HIP1: variants seen among roughly 807,000 people sequenced by gnomAD.
HIP1 encodes huntingtin interacting protein 1.
Under a neutral mutation model 147.6 loss-of-function variants are expected in HIP1, and 65 were observed. The ratio of observed to expected loss-of-function variants is 0.44; its 90% CI spans 0.36 to 0.54. HIP1 has a LOEUF of 0.54. Ranked by LOEUF, HIP1 falls within the 20% of genes least tolerant of loss-of-function variation. The pLI is 0.00. For synonymous variants in HIP1, 479 were observed against 504.0 expected (o/e 0.95, Z 0.67); for missense variants, 1,061 against 1,299.6 (o/e 0.82, Z 2.82).
chr7:75,578,407 G>C (rs1335368290), intron 7 of HIP1, among the ~76,000 whole-genome samples: 2 of 152,170 alleles, frequency 1.3e-5, no homozygotes, highest in Non-Finnish European at 2.9e-5. Flanking sequence ...TGGGCGTGGT[G>C]GCTCATGCCA....
chr7:75,727,377 T>C (rs1459886302), intron 1 of HIP1, among the ~76,000 whole-genome samples: 10 of 152,038 alleles, frequency 6.6e-5, no homozygotes, highest in African/African-American at 1.9e-4. Context: ...ATTACAGGCA[T>C]GGGCCACAGT....
chr7:75,567,021 A>G (rs1554495636), intron 9 of HIP1, among the ~76,000 whole-genome samples: 3 of 151,252 alleles, frequency 2.0e-5, no homozygotes, highest in Non-Finnish European at 1.5e-5. Flanking sequence ...CTGAGGCAGG[A>G]GAATCACTGG....
intron 1 of HIP1, among the ~76,000 whole-genome samples, chr7:75,671,998 G>T (rs1353350724): frequency 6.6e-6 from 1 of 152,152 alleles, no homozygotes; most frequent in Admixed American, 6.5e-5. Flanking sequence ...GCCTCCCAAA[G>T]TGCTGGGATT....
intron 1 of HIP1, among the ~76,000 whole-genome samples, chr7:75,735,303 G>A (rs1282180472): frequency 7.9e-5 from 12 of 152,184 alleles, no homozygotes; most frequent in Non-Finnish European, 1.3e-4. Flanking sequence ...GGTTGAGACC[G>A]TTTCCAGCTG....
chr7:75,616,609 G>GGAGGAGGAGGAGGAA (rs1797674567), intron 1 of HIP1, among the ~76,000 whole-genome samples: 1 of 98,720 alleles, frequency 1.0e-5, no homozygotes, highest in African/African-American at 2.8e-5. Flanking sequence ...AGGAGGAGGA[G>GGAGGAGGAGGAGGAA]GAGGAAGAGG....
intron 9 of HIP1, among the ~76,000 whole-genome samples, chr7:75,566,068 G>A (rs1247658576): frequency 2.7e-5 from 4 of 149,920 alleles, no homozygotes; most frequent in Admixed American, 6.7e-5. Context: ...TCATTCTGAC[G>A]CCCAGGCCTG....
chr7:75,736,060 C>T (rs1368027686), intron 1 of HIP1, among the ~76,000 whole-genome samples: 3 of 150,520 alleles, frequency 2.0e-5, no homozygotes, highest in Admixed American at 6.7e-5. Context: ...GTGAGACCTC[C>T]GTCTTAAAAA....
chr7:75,645,214 T>A (rs1554510960), intron 1 of HIP1, among the ~76,000 whole-genome samples: 1 of 152,142 alleles, frequency 6.6e-6, no homozygotes, highest in African/African-American at 2.4e-5. Context: ...TTTTATTTTT[T>A]ATTTTTAATT....
At chr7:75,698,940 G>A (rs1554518980) in intron 1 of HIP1, among the ~76,000 whole-genome samples, 1 of 152,116 alleles carries the variant, frequency 6.6e-6, no homozygotes, top group East Asian at 1.9e-4. Flanking sequence ...CAGTCAATTA[G>A]TGGTTCTCTC....
chr7:75,695,894 C>T (rs567263032), intron 1 of HIP1, among the ~76,000 whole-genome samples: 2 of 150,056 alleles, frequency 1.3e-5, no homozygotes, highest in African/African-American at 2.4e-5. Flanking sequence ...TCTTAGACAT[C>T]CTCTCCACCT....
chr7:75,622,480 TGCTTGA>T (rs1181600036), intron 1 of HIP1, among the ~76,000 whole-genome samples: 1 of 151,006 alleles, frequency 6.6e-6, no homozygotes, highest in Non-Finnish European at 1.5e-5. Flanking sequence ...GAAGGAGGAT[TGCTTGA>T]GCCCAGGAGT....
Position 75,559,808 on chromosome 7 carries a change from C to T in HIP1, c.1299G>A (p.Leu433=), listed in dbSNP as rs782023713. 7.4e-6 allele frequency: 12 copies of T among 1,612,892 alleles called. No homozygotes were observed. Among genetic ancestry groups the T allele is most frequent in the Non-Finnish European group, 1.0e-5 (12 of 1,179,908 alleles). The change falls in exon 14 of 31, where the codon CTG becomes CTA. Residue 433 remains leucine, a synonymous_variant. Coordinates refer to ENST00000336926, the MANE Select transcript of HIP1 (RefSeq NM_005338.7). ...RQQAADDCEF[L]RAELDELRRQ... Reference sequence around the variant, plus strand: ...TCCTGAGCTCGTCCAGTTCTGCCCGCAGGAATTCACAGTCGTCGGCCGCCT... The same window carrying T: ...TCCTGAGCTCGTCCAGTTCTGCCCGTAGGAATTCACAGTCGTCGGCCGCCT...
chr7:75,544,850 C>A (rs782059703), intron 26 of HIP1, 50 bp from the exon 27 acceptor site: 2 of 1,181,538 alleles, frequency 1.7e-6, no homozygotes, highest in Non-Finnish European at 2.5e-6. Context: ...TGAGCTGCAA[C>A]TCCTCCACAA....
chr7:75,541,344 C>T (rs1584769752), intron 29 of HIP1, among the ~76,000 whole-genome samples: 1 of 152,202 alleles, frequency 6.6e-6, no homozygotes, highest in Admixed American at 6.6e-5. Context: ...TCCTGGCTAA[C>T]ACGGTGAAAC....
intron 1 of HIP1, among the ~76,000 whole-genome samples, chr7:75,709,109 C>CTTTTTTTTTTTTTT (rs55720152): frequency 2.6e-4 from 34 of 131,410 alleles, no homozygotes; most frequent in African/African-American, 3.4e-4. Flanking sequence ...TTTTTCTTTT[C>CTTTTTTTTTTTTTT]TTTTTTTTTT....
chr7:75,641,468 T>G (rs1798652736), intron 1 of HIP1, among the ~76,000 whole-genome samples: 1 of 148,060 alleles, frequency 6.8e-6, no homozygotes. Context: ...TTCTTTTTCT[T>G]TCTTTTTTAT....
At position 75,661,430 on chromosome 7, in the gene HIP1, G is replaced by A. The variant is rs557935349; in HGVS notation, c.121-62183C>T. ...TCTACTAAAAATACAAAAATTAGCC[G>A]GGCGTGGTGGCGCACACCTGTAATC... On this transcript the variant is annotated intron_variant, in intron 1 of 30. Coordinates refer to ENST00000336926, the MANE Select transcript of HIP1 (RefSeq NM_005338.7). 1.1e-4 allele frequency among the ~76,000 whole-genome samples: 17 copies of A among 151,064 alleles called. 1 individual carries two copies. The highest frequency in any genetic ancestry group is 3.2e-4 in the African/African-American group (13 of 41,160).
At chr7:75,664,351 CG>C in intron 1 of HIP1, among the ~76,000 whole-genome samples, 1 of 62,584 alleles carries the variant, frequency 1.6e-5, no homozygotes, top group African/African-American at 8.4e-5. Flanking sequence ...TGTATGTATA[CG>C]TATACATACA....
At chr7:75,683,085 C>A (rs782715470) in intron 1 of HIP1, among the ~76,000 whole-genome samples, 22 of 152,038 alleles carry the variant, frequency 1.4e-4, no homozygotes, top group African/African-American at 5.3e-4. Context: ...CAGGTTCAAG[C>A]GATTCTCTTG....
Sources: allele counts gnomAD v4.1 joint callset (sites outside exome capture counted in the v4.1 genomes callset), GRCh38; gene constraint gnomAD v4.1.1; transcripts MANE v1.5; gene names NCBI Gene and HGNC (gene_info 2026-07-23, HGNC 2026-07-21).